Variants in OLA1 observed in about 807,000 individuals in gnomAD.
OLA1 encodes Obg like ATPase 1, also known as obg-like ATPase 1.
A neutral mutation model predicts 48.4 loss-of-function variants in OLA1; 14 were observed. The observed-to-expected ratio is 0.29, with a 90% CI of 0.19 to 0.45. OLA1 has a LOEUF of 0.45. OLA1 is among the 20% of genes least tolerant of loss of function. The pLI, the probability that OLA1 is intolerant of heterozygous loss-of-function variation, is 1.00. For missense variants in OLA1, 325 were observed against 467.1 expected, an observed-to-expected ratio of 0.70 and a Z score of 2.80; for synonymous variants, 127 against 150.4, an observed-to-expected ratio of 0.84 and a Z score of 1.14.
At chr2:174,145,913 A>T (rs963181603) in intron 4 of OLA1, among the ~76,000 whole-genome samples, 11 of 152,192 alleles carry the variant, frequency 7.2e-5, no homozygotes, top group Admixed American at 5.2e-4. Context: ...AAAATAGGGC[A>T]ATATGATAGA....
At chr2:174,183,785 G>A (rs1481199574) in intron 4 of OLA1, among the ~76,000 whole-genome samples, 1 of 152,138 alleles carries the variant, frequency 6.6e-6, no homozygotes, top group Non-Finnish European at 1.5e-5. Context: ...TCATGTAGAA[G>A]GCCTTGCAGA....
chr2:174,139,829 A>T, intron 5 of OLA1, among the ~76,000 whole-genome samples: 1 of 147,506 alleles, frequency 6.8e-6, no homozygotes. Flanking sequence ...AGTGCCACTG[A>T]ACTCCAGCCT....
At chr2:174,085,736 T>C (rs1305979762) in intron 7 of OLA1, among the ~76,000 whole-genome samples, 2 of 152,222 alleles carry the variant, frequency 1.3e-5, no homozygotes, top group East Asian at 1.9e-4. Flanking sequence ...ACATTGTTTA[T>C]ATTTCTTTTC....
rs139019555 is a variant in OLA1, at chr2:174,129,151, TACTC to T, written c.550-5480_550-5477del. 8.0e-3 allele frequency among the ~76,000 whole-genome samples: 1,213 copies of T among 152,220 alleles called. 17 individuals carry two copies. Among genetic ancestry groups the T allele is most frequent in the African/African-American group, 0.028 (1,143 of 41,532 alleles). On this transcript the variant is annotated intron_variant, in intron 5 of 10. Coordinates refer to ENST00000284719, the MANE Select transcript of OLA1 (RefSeq NM_013341.5). ...TGGCAAGTTCTAGGCACACAGTAAA[TACTC>T]AATAAATAATAATATTTATGGAGCT...
rs753871074 is a variant in OLA1 at position 174,099,160 on chromosome 2, AT to A, written c.729-17097del. 1.0e-2 allele frequency among the ~76,000 whole-genome samples: 1,435 copies of A among 143,876 alleles called. 15 individuals carry two copies. The highest frequency in any genetic ancestry group is 0.028 in the African/African-American group (1,123 of 39,556). 94.4% of individuals were successfully genotyped at this position (143,876 alleles called of 152,430 possible). On this transcript the variant is annotated intron_variant, in intron 7 of 10. Transcript: ENST00000284719. ...TGAGTTTGACTTTGTTATTTTATTT[AT>A]TTTTTTTTTTTTTGAGACGGAGTCT...
At chr2:174,144,573 T>C (rs1272906251) in intron 4 of OLA1, among the ~76,000 whole-genome samples, 1 of 152,146 alleles carries the variant, frequency 6.6e-6, no homozygotes, top group Non-Finnish European at 1.5e-5. Context: ...GACATGCTTC[T>C]GGGTCAACGA....
intron 7 of OLA1, among the ~76,000 whole-genome samples, chr2:174,121,783 G>T (rs1179807940): frequency 6.6e-6 from 1 of 152,108 alleles, no homozygotes; most frequent in Non-Finnish European, 1.5e-5. Flanking sequence ...ATTAGGGTCT[G>T]GGAAATGGTA....
chr2:174,144,947 A>ATAT (rs1553483385), intron 4 of OLA1, among the ~76,000 whole-genome samples: 46 of 64,752 alleles, frequency 7.1e-4, no homozygotes, highest in East Asian at 1.6e-3. Flanking sequence ...AAAAAAAAAA[A>ATAT]AAAAATATAT....
rs1684629466 is a variant in OLA1 at position 174,072,706 on chromosome 2, C to G, written c.*2720G>C. The G allele has an allele frequency of 6.6e-6, 1 of 152,158 alleles. No homozygotes were observed. The highest frequency in any genetic ancestry group is 6.5e-5 in the Admixed American group (1 of 15,274). 9.4% of individuals were successfully genotyped at this position (152,158 alleles called of 1,614,324 possible). A position where few individuals can be genotyped will look rare whatever the true frequency, so the allele number is the denominator to read the frequency against. The stretch of plus-strand genomic sequence containing the variant: ...AAAGGAGCTTTGGAAATATTATACA[C>G]AGACAACTAGAGACAAACATCAAAC... On this transcript the variant is annotated 3_prime_UTR_variant, in exon 11 of 11. Coordinates refer to ENST00000284719, the MANE Select transcript of OLA1 (RefSeq NM_013341.5).
chr2:174,095,047 A>C (rs1685215546), intron 7 of OLA1, among the ~76,000 whole-genome samples: 1 of 152,092 alleles, frequency 6.6e-6, no homozygotes, highest in Admixed American at 6.5e-5. Flanking sequence ...TTATCCATTC[A>C]CTTATTGATG....
chr2:174,244,630 T>A (rs186259689), intron 2 of OLA1, among the ~76,000 whole-genome samples: 33 of 150,342 alleles, frequency 2.2e-4, no homozygotes, highest in South Asian at 1.5e-3. Flanking sequence ...TAAAAAAAAA[T>A]TTTTTTTTTT....
chr2:174,157,259 A>G (rs577538770), intron 4 of OLA1, among the ~76,000 whole-genome samples: 1 of 152,300 alleles, frequency 6.6e-6, no homozygotes, highest in Non-Finnish European at 1.5e-5. Context: ...GAAAAAGCGG[A>G]ACACAACTAG....
chr2:174,102,688 G>T (rs917134568), intron 7 of OLA1, among the ~76,000 whole-genome samples: 1 of 152,068 alleles, frequency 6.6e-6, no homozygotes, highest in African/African-American at 2.4e-5. Context: ...TTGCTACACA[G>T]CCACATGTTT....
At chr2:174,186,544 C>T (rs528263704) in intron 4 of OLA1, among the ~76,000 whole-genome samples, 30 of 152,268 alleles carry the variant, frequency 2.0e-4, no homozygotes, top group Admixed American at 5.9e-4. Context: ...TCCGATCATA[C>T]CCAGATTCCC....
chr2:174,240,868 T>C (rs1014476076), intron 2 of OLA1, among the ~76,000 whole-genome samples: 6 of 152,132 alleles, frequency 3.9e-5, no homozygotes, highest in South Asian at 2.1e-4. Context: ...TAGGAACACA[T>C]AGACATCACA....
intron 7 of OLA1, among the ~76,000 whole-genome samples, chr2:174,114,341 CAAAAAAAAAAAAAAAA>C (rs76471043): frequency 0.022 from 1,310 of 60,704 alleles, 40 homozygotes; most frequent in African/African-American, 0.11. Context: ...GACTCCGCCT[CAAAAAAAAAAAAAAAA>C]AAAAAAAAAA....
chr2:174,142,513 G>T (rs1206241287), intron 4 of OLA1, among the ~76,000 whole-genome samples: 1 of 152,174 alleles, frequency 6.6e-6, no homozygotes. Flanking sequence ...GGCCTGATTT[G>T]AGGGTATGGT....
intron 10 of OLA1, among the ~76,000 whole-genome samples, chr2:174,076,386 G>A (rs1052998498): frequency 2.6e-5 from 4 of 152,016 alleles, no homozygotes; most frequent in African/African-American, 9.7e-5. Context: ...CCCCACCATC[G>A]ACTCCTCAAC....
chr2:174,207,338 C>G (rs1688139772), intron 4 of OLA1, among the ~76,000 whole-genome samples: 1 of 152,008 alleles, frequency 6.6e-6, no homozygotes, highest in South Asian at 2.1e-4. Flanking sequence ...AAGCCCTGAG[C>G]AATTTAAACA....
Sources: allele counts gnomAD v4.1 joint callset (sites outside exome capture counted in the v4.1 genomes callset), GRCh38; gene constraint gnomAD v4.1.1; transcripts MANE v1.5; gene names NCBI Gene and HGNC (gene_info 2026-07-23, HGNC 2026-07-21).